Variants in NUP214 observed in about 807,000 individuals in gnomAD.
NUP214 encodes the protein nucleoporin 214.
NUP214 carries 79 observed loss-of-function variants against 196.2 expected under a neutral mutation model. The observed-to-expected ratio is 0.40, with a 90% CI of 0.34 to 0.49. The LOEUF (loss-of-function observed/expected upper bound fraction) is 0.49. Among genes scored for constraint, NUP214 ranks in the 20% least tolerant of loss-of-function variants. The probability of loss-of-function intolerance (pLI) is 0.58; values close to 1 mark genes in which losing one functional copy is unlikely to be tolerated. For missense variants in NUP214, 2,468 were observed against 2,539.0 expected (o/e 0.97, Z 0.60); for synonymous variants, 1,020 against 990.5 (o/e 1.03, Z -0.56).
chr9:131,146,571 T>C lies in NUP214; in HGVS notation c.1945+267T>C, dbSNP rs1832091618. Among the ~76,000 whole-genome samples the C allele has an allele frequency of 1.3e-5, 2 of 152,186 alleles. No individual in the cohort carries two copies. Among genetic ancestry groups the C allele is most frequent in the South Asian group, 4.1e-4 (2 of 4,832 alleles). On this transcript the variant is annotated intron_variant, in intron 13 of 35. Coordinates refer to ENST00000359428, the MANE Select transcript of NUP214 (RefSeq NM_005085.4). The surrounding 1 kb of genome is among the most constrained non-coding windows in gnomAD (Gnocchi z 4.6). ...AAAATGCCTTGCTCTTGGGCATTTA[T>C]TTTCATATGGAGCCTGCCCTCCATG...
At chr9:131,175,317 C>G in intron 22 of NUP214, 143 bp from the exon 23 acceptor site, 3 of 908,008 alleles carry the variant, frequency 3.3e-6, no homozygotes, top group Non-Finnish European at 5.0e-6. Flanking sequence ...TAGATGCCAG[C>G]CTGTTAGTTT....
intron 32 of NUP214, among the ~76,000 whole-genome samples, chr9:131,227,396 ATTTAT>A (rs1393497197): frequency 6.6e-6 from 1 of 152,022 alleles, no homozygotes; most frequent in East Asian, 1.9e-4. Context: ...ATTTTATTAG[ATTTAT>A]GCAGCAGCCT....
intron 21 of NUP214, chr9:131,167,454 GTC>G (rs1388967262): frequency 6.6e-6 from 1 of 152,216 alleles, no homozygotes; most frequent in Non-Finnish European, 1.5e-5. Context: ...TCCCGTGTGT[GTC>G]TCTCGGAGCA....
chr9:131,163,163 A>T lies in NUP214; in HGVS notation c.2713A>T (p.Ser905Cys), dbSNP rs778792648. The change falls in exon 19 of 36, where the codon AGC becomes TGC. Residue 905 changes from serine to cysteine, a missense_variant. Transcript: ENST00000359428. ...GTCCTCGGCTGTTCCTTCCCAGAGC[A>T]GCATTCACAGGTGTGGAGAGGACTT... ...SLSSAVPSQS[S>C]IHSFDSDLES... 3.1e-6 allele frequency: 5 copies of T among 1,611,248 alleles called. No homozygotes were observed. The South Asian group carries it at 3.3e-5, about 11-fold the overall frequency.
rs576549029 is a variant in NUP214, at chr9:131,169,992, G to C, written c.2894-4063G>C. 6.8e-4 allele frequency among the ~76,000 whole-genome samples: 103 copies of C among 152,246 alleles called. 1 individual carries two copies. The highest frequency in any genetic ancestry group is 6.8e-3 in the Middle Eastern group (2 of 294). On this transcript the variant is annotated intron_variant, in intron 21 of 35. Transcript: ENST00000359428. ...AGACAGAACTAGAATGGTGGCTGCCGGAAGCTGGAGGAGGGAAAATGGGGA... is the reference window on the plus strand; with the variant it reads ...AGACAGAACTAGAATGGTGGCTGCCCGAAGCTGGAGGAGGGAAAATGGGGA...
chr9:131,148,254 G>A (rs1156580736), intron 14 of NUP214, among the ~76,000 whole-genome samples: 1 of 152,208 alleles, frequency 6.6e-6, no homozygotes, highest in Admixed American at 6.5e-5. Context: ...GATTTGTACA[G>A]TATGTATTCT....
chr9:131,210,415 G>C (rs1181491412), intron 30 of NUP214, among the ~76,000 whole-genome samples: 1 of 152,170 alleles, frequency 6.6e-6, no homozygotes, highest in African/African-American at 2.4e-5. Context: ...GGATCACGAG[G>C]TCAGGAGTTC....
rs1275687861 is a variant in NUP214, at chr9:131,132,567, C to T, written c.664-29C>T. On this transcript the variant is annotated intron_variant, in intron 5 of 35. Transcript: ENST00000359428. Reference sequence around the variant, plus strand: ...GGTTTAGGATTTGTTTCATTTGATACTTTATTTTCCCCTCCAAATCTCTTT... The same window carrying T: ...GGTTTAGGATTTGTTTCATTTGATATTTTATTTTCCCCTCCAAATCTCTTT... 7 of 1,597,166 alleles carry T rather than the reference C, an allele frequency of 4.4e-6. No individual in the cohort carries two copies. In the Admixed American group the frequency reaches 1.0e-4, roughly 23 times the overall value.
At chr9:131,170,706 C>T (rs1300036184) in intron 21 of NUP214, among the ~76,000 whole-genome samples, 1 of 152,080 alleles carries the variant, frequency 6.6e-6, no homozygotes, top group Non-Finnish European at 1.5e-5. Flanking sequence ...ACGTCTGTAG[C>T]TGTTTCTTGG....
rs1233244939 is a variant in NUP214 at position 131,164,088 on chromosome 9, A to T, written c.2837A>T (p.Gln946Leu). The change falls in exon 21 of 36, where the codon CAA becomes CTA. Residue 946 changes from glutamine to leucine, a missense_variant. This residue lies in a region of NUP214 where 1,801 missense variants were observed against 1,779.4 expected (regional missense o/e 1.01). Coordinates refer to ENST00000359428, the MANE Select transcript of NUP214 (RefSeq NM_005085.4). The part of the protein sequence containing the change: ...PAKLSPMKQA[Q>L]LRNFLAKRKT... ...AAACTGTCCCCCATGAAACAGGCACAACTGAGAAACTTCTTGGCCAAGAGG... is the reference window on the plus strand; with the variant it reads ...AAACTGTCCCCCATGAAACAGGCACTACTGAGAAACTTCTTGGCCAAGAGG... 7 of 1,614,072 alleles carry T rather than the reference A, an allele frequency of 4.3e-6. No individual in the cohort carries two copies. Among genetic ancestry groups the T allele is most frequent in the Non-Finnish European group, 5.9e-6 (7 of 1,180,042 alleles).
At chr9:131,177,914 A>T (rs556514777) in intron 23 of NUP214, among the ~76,000 whole-genome samples, 1 of 152,300 alleles carries the variant, frequency 6.6e-6, no homozygotes, top group African/African-American at 2.4e-5. Context: ...CTGGCACATA[A>T]TAAGCCCATG....
chr9:131,209,046 C>T (rs2131068537), intron 30 of NUP214, among the ~76,000 whole-genome samples: 1 of 152,114 alleles, frequency 6.6e-6, no homozygotes, highest in South Asian at 2.1e-4. Context: ...ATGAAGTTCT[C>T]ATTCATGCTA....
chr9:131,217,040 G>A (rs1011610063), intron 31 of NUP214, among the ~76,000 whole-genome samples: 9 of 152,238 alleles, frequency 5.9e-5, no homozygotes, highest in East Asian at 3.9e-4. Context: ...CTAGTGTTCT[G>A]CAGTCATGAC....
At chr9:131,144,193 C>T (rs1011342417) in intron 11 of NUP214, 87 bp from the exon 12 acceptor site, 1 of 1,069,418 alleles carries the variant, frequency 9.4e-7, no homozygotes, top group Non-Finnish European at 1.4e-6. Flanking sequence ...CTTTATTCTA[C>T]CACAAATTCT....
chr9:131,226,126 T>C (rs905676327), intron 32 of NUP214, among the ~76,000 whole-genome samples: 2 of 152,184 alleles, frequency 1.3e-5, no homozygotes, highest in Admixed American at 1.3e-4. Context: ...GCATATTCTC[T>C]AAGTCTCAGT....
At chr9:131,133,302 GTGT>G in intron 7 of NUP214, 93 bp downstream of exon 7, 6 of 500,318 alleles carry the variant, frequency 1.2e-5, no homozygotes, top group Admixed American at 4.6e-5. Context: ...TTTTGTGTTT[GTGT>G]TTTTTTTTTT....
At chr9:131,138,654 A>G (rs1831812768) in intron 9 of NUP214, among the ~76,000 whole-genome samples, 1 of 152,250 alleles carries the variant, frequency 6.6e-6, no homozygotes, top group African/African-American at 2.4e-5. Context: ...GAGCCTATCC[A>G]AGCACACTTA....
chr9:131,211,190 A>G (rs964327362), intron 30 of NUP214, among the ~76,000 whole-genome samples: 1 of 152,220 alleles, frequency 6.6e-6, no homozygotes. Context: ...ATAAAACGGT[A>G]TAATTTCAGA....
chr9:131,166,069 T>C (rs1832780242), intron 21 of NUP214, among the ~76,000 whole-genome samples: 1 of 152,228 alleles, frequency 6.6e-6, no homozygotes, highest in African/African-American at 2.4e-5. Flanking sequence ...ATGTACTTAA[T>C]ACCAATGAAC....
Sources: gnomAD v4.1 joint callset for allele counts (sites outside exome capture counted in the v4.1 genomes callset) on GRCh38, gnomAD v4.1.1 for gene constraint, gnomAD v4.1.1 regional missense constraint, Gnocchi (gnomAD v3.1) non-coding constraint, MANE v1.5 for transcripts, NCBI Gene and HGNC (gene_info 2026-07-23, HGNC 2026-07-21) for gene names.